The following ARSG variants were observed in gnomAD, a reference collection of about 807,000 sequenced individuals.
The protein encoded by ARSG is ASG.
In ARSG, 37 loss-of-function variants were observed where a neutral mutation model predicts 50.5. The observed-to-expected ratio is 0.73, with a 90% confidence interval of 0.56 to 0.96. The LOEUF (loss-of-function observed/expected upper bound fraction) is 0.96, where lower values mean the gene tolerates loss of function less well. Among genes scored for constraint, ARSG ranks in the 50% least tolerant of loss-of-function variants. The pLI is 0.00. For missense variants in ARSG, 629 were observed against 675.3 expected (o/e 0.93, Z 0.76); for synonymous variants, 225 against 254.6 (o/e 0.88, Z 1.11).
intron 1 of ARSG, among the ~76,000 whole-genome samples, chr17:68,279,111 C>T (rs181060828): frequency 6.6e-6 from 1 of 152,150 alleles, no homozygotes; most frequent in Non-Finnish European, 1.5e-5. Flanking sequence ...GGCCACCAGA[C>T]CAAGTATTAA....
chr17:68,312,573 CAG>C (rs551980564), intron 2 of ARSG, among the ~76,000 whole-genome samples: 46 of 152,178 alleles, frequency 3.0e-4, no homozygotes, highest in Middle Eastern at 3.4e-3. Context: ...AAGGAGGACT[CAG>C]GGGTCAGATG....
At position 68,354,728 on chromosome 17, in the gene ARSG, A is replaced by G. The variant is rs540705095; in HGVS notation, c.567-1939A>G. On this transcript the variant is annotated intron_variant, in intron 5 of 11. Transcript: ENST00000621439. ...GTGAAACCCGTTCTTTACAAAAAAT[A>G]CAAAAATTAGCCAGGTGTGGTGGCA... Among the ~76,000 whole-genome samples, 41 of 152,232 alleles carry G rather than the reference A, an allele frequency of 2.7e-4. No homozygotes were observed. The South Asian group carries it at 6.8e-3, about 25-fold the overall frequency.
intron 5 of ARSG, among the ~76,000 whole-genome samples, chr17:68,355,105 TGA>T (rs1026320726): frequency 4.6e-5 from 7 of 152,214 alleles, no homozygotes; most frequent in Admixed American, 1.3e-4. Flanking sequence ...TGACCAGGAC[TGA>T]GAGCTTGAGA....
rs138290890 is a variant in ARSG at position 68,367,889 on chromosome 17, A to G, written c.705-659A>G. ...AGTTTGAGGCCAACCTAGCCAACGT[A>G]GCAAAACCCCATCTCTACTAAAAAT... On this transcript the variant is annotated intron_variant, in intron 6 of 11. Transcript: ENST00000621439. This position sits in a 1 kb window ranked among gnomAD's most constrained non-coding sequence, Gnocchi z 4.5. Among the ~76,000 whole-genome samples the G allele has an allele frequency of 2.6e-4, 40 of 152,228 alleles. No individual in the cohort carries two copies. The highest frequency in any genetic ancestry group is 8.4e-4 in the African/African-American group (35 of 41,530).
chr17:68,416,732 TTC>T, intron 11 of ARSG, among the ~76,000 whole-genome samples: 1 of 152,310 alleles, frequency 6.6e-6, no homozygotes, highest in Non-Finnish European at 1.5e-5. Context: ...AGCTCTGAAT[TTC>T]TTTCTTCTAC....
chr17:68,334,271 G>T (rs1329931473), intron 2 of ARSG, among the ~76,000 whole-genome samples: 1 of 152,178 alleles, frequency 6.6e-6, no homozygotes, highest in Non-Finnish European at 1.5e-5. Flanking sequence ...ATTGCTGTTT[G>T]TCACCTTGAA....
chr17:68,314,358 C>G (rs1474740327), intron 2 of ARSG, among the ~76,000 whole-genome samples: 1 of 152,002 alleles, frequency 6.6e-6, no homozygotes, highest in Non-Finnish European at 1.5e-5. Flanking sequence ...GAAACCCCAT[C>G]TCTACTAAAA....
intron 1 of ARSG, among the ~76,000 whole-genome samples, chr17:68,262,974 C>G (rs1164230706): frequency 1.3e-5 from 2 of 152,118 alleles, no homozygotes; most frequent in Non-Finnish European, 2.9e-5. Flanking sequence ...TGGTTGAATT[C>G]TAGGGTGTAT....
Position 68,381,311 on chromosome 17 carries a change from T to TTGGTTGC in ARSG, c.983-3750_983-3744dup, listed in dbSNP as rs1274279952. On this transcript the variant is annotated intron_variant, in intron 8 of 11. Coordinates refer to ENST00000621439, the MANE Select transcript of ARSG (RefSeq NM_001267727.2). This position sits in a 1 kb window ranked among gnomAD's most constrained non-coding sequence, Gnocchi z 4.1. ...CATGAATCATGGTTTTGTTGATATT[T>TTGGTTGC]TGGTTGCTGTGGCTAAATATTTATT... Among the ~76,000 whole-genome samples the TTGGTTGC allele has an allele frequency of 6.6e-6, 1 of 152,216 alleles. No individual in the cohort carries two copies. The highest frequency in any genetic ancestry group is 1.5e-5 in the Non-Finnish European group (1 of 68,036).
intron 1 of ARSG, chr17:68,272,522 G>C: frequency 1.7e-6 from 2 of 1,182,398 alleles, no homozygotes; most frequent in South Asian, 1.5e-5. Context: ...CGTAAATAAC[G>C]TCTCATTACA....
downstream of ARSG, chr17:68,426,307 T>G: frequency 1.4e-6 from 1 of 721,300 alleles, no homozygotes; most frequent in Non-Finnish European, 2.4e-6. Context: ...CCCCTGGAGG[T>G]ACTGTGCCTA....
chr17:68,434,449 G>C, the ARSG span: 1 of 1,089,702 alleles, frequency 9.2e-7, no homozygotes, highest in Non-Finnish European at 1.3e-6. Context: ...TCCTCCAGGT[G>C]AGTGGAGGGC....
chr17:68,310,186 C>T (rs2076795419), intron 2 of ARSG, among the ~76,000 whole-genome samples: 1 of 152,042 alleles, frequency 6.6e-6, no homozygotes, highest in Non-Finnish European at 1.5e-5. Context: ...TCTCAAACTC[C>T]CAACCTCAGG....
chr17:68,298,951 GT>G (rs2076308676), intron 1 of ARSG, among the ~76,000 whole-genome samples: 1 of 152,054 alleles, frequency 6.6e-6, no homozygotes, highest in Non-Finnish European at 1.5e-5. Flanking sequence ...CAAACTTTTA[GT>G]TTATAAAAAC....
chr17:68,382,903 C>A (rs1174879813), intron 8 of ARSG, among the ~76,000 whole-genome samples: 1 of 152,142 alleles, frequency 6.6e-6, no homozygotes, highest in Non-Finnish European at 1.5e-5. Flanking sequence ...CTGCACTAAC[C>A]AACTAGTCTG....
At chr17:68,439,768 C>G in the ARSG span, among the ~76,000 whole-genome samples, 2 of 152,196 alleles carry the variant, frequency 1.3e-5, no homozygotes, top group African/African-American at 4.8e-5. Context: ...TTATTTGCTG[C>G]TCTTTCAGGC....
intron 11 of ARSG, among the ~76,000 whole-genome samples, chr17:68,419,808 A>AT (rs1318067105): frequency 6.6e-6 from 1 of 151,256 alleles, no homozygotes; most frequent in East Asian, 1.9e-4. Context: ...AAAAAAAAAA[A>AT]AAAGTTGGGC....
In ARSG at chr17:68,297,092, C is replaced by T. The variant is rs562262848; in HGVS notation, c.-552+5524C>T. 1.1e-3 allele frequency among the ~76,000 whole-genome samples: 166 copies of T among 152,310 alleles called. 2 individuals are homozygous for T. The South Asian group carries it at 0.032, about 29-fold the overall frequency. On this transcript the variant is annotated intron_variant, in intron 1 of 11. Transcript: ENST00000621439. ...AATGTCCCTGCCTTTACAGAGTTTC[C>T]GCCCTGGAGTTGTAGATCTTTCTTG...
chr17:68,314,482 C>T (rs577494431), intron 2 of ARSG, among the ~76,000 whole-genome samples: 135 of 148,598 alleles, frequency 9.1e-4, no homozygotes, highest in Non-Finnish European at 1.3e-3. Flanking sequence ...GCTGAGATTG[C>T]GCCATTGTAC....
Sources: gnomAD v4.1 joint callset for allele counts (sites outside exome capture counted in the v4.1 genomes callset) on GRCh38, gnomAD v4.1.1 for gene constraint, Gnocchi (gnomAD v3.1) non-coding constraint, MANE v1.5 for transcripts, NCBI Gene and HGNC (gene_info 2026-07-23, HGNC 2026-07-21) for gene names.